Variants in SAMD5 observed in about 807,000 individuals in gnomAD.
SAMD5 encodes the protein sterile alpha motif domain-containing protein 5.
Under a neutral mutation model 11.3 loss-of-function variants are expected in SAMD5, and 13 were observed. The ratio of observed to expected loss-of-function variants is 1.15; its 90% confidence interval spans 0.75 to 1.83. SAMD5 has a LOEUF of 1.83. Ranked by LOEUF, SAMD5 falls within the 40% of genes most tolerant of loss-of-function variation. The probability of loss-of-function intolerance (pLI) is 0.00; values close to 1 mark genes in which losing one functional copy is unlikely to be tolerated. For missense variants in SAMD5, 255 were observed against 239.1 expected (o/e 1.07, Z -0.44); for synonymous variants, 129 against 111.3 (o/e 1.16, Z -1.00).
At position 147,569,595 on chromosome 6, in the gene SAMD5, C is replaced by G. The variant is rs1789104253; in HGVS notation, c.*5139C>G. ...AAATGAAATGCTGTGTTAAATATCT[C>G]CAGGGCAAAGTGGTATGTTGACTGG... is the stretch of plus-strand genomic sequence containing the variant. On this transcript the variant is annotated 3_prime_UTR_variant, in exon 2 of 2. Coordinates refer to ENST00000367474, the MANE Select transcript of SAMD5 (RefSeq NM_001030060.3). The G allele has an allele frequency of 1.0e-6, 1 of 983,346 alleles. No homozygotes were observed. The highest frequency in any genetic ancestry group is 1.7e-5 in the African/African-American group (1 of 57,170). The allele number at this position is 983,346 out of a possible 1,614,324, so 60.9% of individuals were successfully genotyped here.
At chr6:147,692,320 T>C (rs1791115571) in intron 1 of SAMD5, 1 of 152,210 alleles carries the variant, frequency 6.6e-6, no homozygotes, top group East Asian at 1.9e-4. Context: ...GAAATGTTCA[T>C]CTAATCCTGG....
chr6:147,903,186 TTTAA>T, the SAMD5 span, among the ~76,000 whole-genome samples: 3 of 152,218 alleles, frequency 2.0e-5, no homozygotes, highest in Admixed American at 6.5e-5. Flanking sequence ...TCATTGCTAA[TTTAA>T]TTAATCACAT....
chr6:147,879,531 G>A, the SAMD5 span, among the ~76,000 whole-genome samples: 74,989 of 152,072 alleles, frequency 0.49, 19,815 homozygotes, highest in African/African-American at 0.7. Context: ...ATTACAGCAC[G>A]TATGTATTTC....
the SAMD5 span, among the ~76,000 whole-genome samples, chr6:147,856,119 A>G: frequency 6.6e-6 from 1 of 152,214 alleles, no homozygotes; most frequent in South Asian, 2.1e-4. Flanking sequence ...CTGTTGATAC[A>G]TGTGATAAGG....
intron 1 of SAMD5, among the ~76,000 whole-genome samples, chr6:147,730,733 AC>A (rs1486505780): frequency 6.6e-6 from 1 of 152,182 alleles, no homozygotes; most frequent in African/African-American, 2.4e-5. Flanking sequence ...ATGGGAGAGA[AC>A]CAAAAAGAGG....
At chr6:147,650,145 C>T (rs903680727) in intron 1 of SAMD5, among the ~76,000 whole-genome samples, 3 of 152,122 alleles carry the variant, frequency 2.0e-5, no homozygotes, top group African/African-American at 4.8e-5. Context: ...TCATTTATTA[C>T]GCATTCATTG....
At chr6:147,897,041 T>C in the SAMD5 span, among the ~76,000 whole-genome samples, 39 of 152,238 alleles carry the variant, frequency 2.6e-4, no homozygotes, top group Admixed American at 4.6e-4. Context: ...CTAATGGGAA[T>C]GAGGTTTCTT....
intron 1 of SAMD5, among the ~76,000 whole-genome samples, chr6:147,615,561 T>A (rs1267812404): frequency 6.6e-6 from 1 of 152,214 alleles, no homozygotes; most frequent in African/African-American, 2.4e-5. Flanking sequence ...TATTACTTAT[T>A]TTGAGGGGTA....
chr6:147,515,506 A>T (rs1435832146), intron 1 of SAMD5, among the ~76,000 whole-genome samples: 2 of 151,690 alleles, frequency 1.3e-5, no homozygotes, highest in African/African-American at 4.8e-5. Context: ...TCATCCTTCC[A>T]TTTAACCATC....
At chr6:147,943,141 C>G in the SAMD5 span, among the ~76,000 whole-genome samples, 1 of 152,078 alleles carries the variant, frequency 6.6e-6, no homozygotes, top group Admixed American at 6.5e-5. Flanking sequence ...CTTCATCTTG[C>G]CTGAGAGTAT....
chr6:147,905,674 C>T, the SAMD5 span, among the ~76,000 whole-genome samples: 1 of 152,102 alleles, frequency 6.6e-6, no homozygotes, highest in Non-Finnish European at 1.5e-5. Context: ...CTTAAAACCA[C>T]AGATCTAATT....
chr6:147,916,565 T>C, the SAMD5 span, among the ~76,000 whole-genome samples: 5 of 152,088 alleles, frequency 3.3e-5, no homozygotes, highest in Admixed American at 6.6e-5. Flanking sequence ...AAAATTTTAT[T>C]ATTATTATAC....
intron 1 of SAMD5, among the ~76,000 whole-genome samples, chr6:147,526,533 T>C (rs77873271): frequency 0.019 from 2,932 of 152,336 alleles, 38 homozygotes; most frequent in Non-Finnish European, 0.025. Context: ...CTATTCATTT[T>C]GACTGAGGTA....
rs1383811437 is a variant in SAMD5 at position 147,545,792 on chromosome 6, CCTTT to C, written c.460-18597_460-18594del. 6.6e-5 allele frequency among the ~76,000 whole-genome samples: 10 copies of C among 152,108 alleles called. No individual in the cohort carries two copies. The East Asian group carries it at 1.2e-3, about 18-fold the overall frequency. On this transcript the variant is annotated intron_variant, in intron 1 of 1. Transcript: ENST00000367474. ...ATACATACATAAATCAGGTTATATA[CCTTT>C]CTTTATATTTTATGTAAGACAGAAA...
chr6:147,719,051 CTT>C (rs1297286525), intron 1 of SAMD5, among the ~76,000 whole-genome samples: 2 of 152,194 alleles, frequency 1.3e-5, no homozygotes, highest in African/African-American at 4.8e-5. Flanking sequence ...ATACCAATGA[CTT>C]TTGCTGCTCA....
the SAMD5 span, among the ~76,000 whole-genome samples, chr6:147,847,410 A>G: frequency 1.3e-5 from 2 of 152,186 alleles, no homozygotes; most frequent in African/African-American, 4.8e-5. Context: ...TTTCTTATAA[A>G]AACTTTAAAA....
the SAMD5 span, among the ~76,000 whole-genome samples, chr6:147,797,062 C>G: frequency 4.4e-5 from 5 of 113,802 alleles, no homozygotes; most frequent in African/African-American, 2.2e-4. Context: ...CCTTTATTTC[C>G]TTCTCCTGCC....
the SAMD5 span, among the ~76,000 whole-genome samples, chr6:147,867,380 T>C: frequency 1.3e-5 from 2 of 151,496 alleles, no homozygotes; most frequent in African/African-American, 4.9e-5. Context: ...TCTTCGGACT[T>C]GGTGAAAAAT....
At chr6:147,804,889 A>G in the SAMD5 span, among the ~76,000 whole-genome samples, 1 of 152,206 alleles carries the variant, frequency 6.6e-6, no homozygotes, top group Non-Finnish European at 1.5e-5. Context: ...GGCATATTTG[A>G]TTAGAGTGAA....
Sources: gnomAD v4.1 joint callset for allele counts (sites outside exome capture counted in the v4.1 genomes callset) on GRCh38, gnomAD v4.1.1 for gene constraint, MANE v1.5 for transcripts, NCBI Gene and HGNC (gene_info 2026-07-23, HGNC 2026-07-21) for gene names.